The following MARCHF2 variants were observed in gnomAD, a reference collection of about 807,000 sequenced individuals.
The protein encoded by MARCHF2 is membrane associated ring-CH-type finger 2.
Under a neutral mutation model 24.0 loss-of-function variants are expected in MARCHF2, and 22 were observed. The observed-to-expected ratio is 0.92, with a 90% CI of 0.66 to 1.31. MARCHF2 has a LOEUF of 1.31. Ranked by LOEUF, MARCHF2 falls within the 50% of genes most tolerant of loss-of-function variation. MARCHF2 has a pLI of 0.00. For missense variants in MARCHF2, 301 were observed against 335.3 expected, an observed-to-expected ratio of 0.90 and a Z score of 0.80; for synonymous variants, 154 against 153.0, an observed-to-expected ratio of 1.01 and a Z score of -0.05.
chr19:8,419,916 T>C (rs1967186817), intron 1 of MARCHF2, among the ~76,000 whole-genome samples: 1 of 150,128 alleles, frequency 6.7e-6, no homozygotes, highest in South Asian at 2.1e-4. Context: ...CCTAGCACTT[T>C]GGGAGGCTGA....
At chr19:8,420,125 T>TC (rs1967193211) in intron 1 of MARCHF2, among the ~76,000 whole-genome samples, 2 of 149,608 alleles carry the variant, frequency 1.3e-5, no homozygotes, top group South Asian at 4.2e-4. Context: ...GCCACTGCAC[T>TC]CCAGCCTGGG....
chr19:8,419,848 T>TA (rs1303589674), intron 1 of MARCHF2, among the ~76,000 whole-genome samples: 2 of 114,676 alleles, frequency 1.7e-5, no homozygotes, highest in Non-Finnish European at 3.6e-5. Flanking sequence ...TAAATAAAAA[T>TA]AAAAAATAAA....
chr19:8,423,657 G>A (rs1212194307), intron 2 of MARCHF2: 1 of 151,942 alleles, frequency 6.6e-6, no homozygotes, highest in Admixed American at 6.6e-5. Flanking sequence ...TCTTTTTAAA[G>A]CCGCCCAACT....
chr19:8,425,625 T>C (rs1276514905), intron 2 of MARCHF2, among the ~76,000 whole-genome samples: 3 of 151,524 alleles, frequency 2.0e-5, no homozygotes, highest in Non-Finnish European at 4.4e-5. Flanking sequence ...GAGGATTTTT[T>C]TTTTTTTTTG....
chr19:8,426,520 G>A (rs1051909705), intron 2 of MARCHF2, 89 bp from the exon 3 acceptor site: 3 of 1,066,564 alleles, frequency 2.8e-6, no homozygotes, highest in Admixed American at 1.9e-5. Flanking sequence ...GCAGCATGGG[G>A]TAAGGGTGAG....
At chr19:8,417,198 C>T (rs775679765) in intron 1 of MARCHF2, among the ~76,000 whole-genome samples, 74 of 152,146 alleles carry the variant, frequency 4.9e-4, no homozygotes, top group Middle Eastern at 3.4e-3. Context: ...AATCCCAGCA[C>T]TTTGGGAGGC....
chr19:8,421,913 G>GT lies in MARCHF2; in HGVS notation c.74dup (p.Val26ArgfsTer35), dbSNP rs1967256162. On this transcript the variant is annotated frameshift_variant, in exon 2 of 5. Transcript: ENST00000215555. LOFTEE classifies it high-confidence loss of function. ...CTCCGGCAGCCCTGCCTTCTCCAAG[G>GT]TCGTGGAGGCTACGGGCCTCGGACC... The GT allele has an allele frequency of 7.4e-6, 12 of 1,613,936 alleles. No homozygotes were observed. The highest frequency in any genetic ancestry group is 1.0e-5 in the Non-Finnish European group (12 of 1,179,956).
rs187035809 is a variant in MARCHF2 at position 8,421,824 on chromosome 19, C to T, written c.-17C>T. Reference sequence around the variant, plus strand: ...CCATGGGCCTCAGGCCCTGAGGATACGGGGCTCCCGGTGGCCATGACGACG... The same window carrying T: ...CCATGGGCCTCAGGCCCTGAGGATATGGGGCTCCCGGTGGCCATGACGACG... On this transcript the variant is annotated 5_prime_UTR_variant, in exon 2 of 5. In the 5' UTR this introduces an upstream ATG that the reference lacks. Coordinates refer to ENST00000215555, the MANE Select transcript of MARCHF2 (RefSeq NM_001005415.2). 4.1e-4 allele frequency: 657 copies of T among 1,594,400 alleles called. 5 individuals carry two copies. Among genetic ancestry groups the T allele is most frequent in the Middle Eastern group, 1.8e-4 (1 of 5,452 alleles).
At chr19:8,429,058 G>A (rs112962179) in intron 3 of MARCHF2, among the ~76,000 whole-genome samples, 8,994 of 152,056 alleles carry the variant, frequency 0.059, 648 homozygotes, top group African/African-American at 0.17. Context: ...TTTGGTCTCC[G>A]TGCTACAGCC....
chr19:8,413,565 CCGTGT>C (rs1967006172), intron 1 of MARCHF2, 145 bp downstream of exon 1: 1 of 152,214 alleles, frequency 6.6e-6, no homozygotes, highest in Admixed American at 6.5e-5. Context: ...ACCTCAGTTC[CCGTGT>C]CAAGGCCGGT....
In MARCHF2 at chr19:8,426,670, T is replaced by C. The variant is rs1263675240; in HGVS notation, c.238T>C (p.Cys80Arg). 6.2e-7 allele frequency: 1 copy of C among 1,613,996 alleles called. No homozygotes were observed. The highest frequency in any genetic ancestry group is 8.5e-7 in the Non-Finnish European group (1 of 1,180,012). ...GAACGGGGAGTGCTTGCTGTCCCCG[T>C]GTGGCTGCACCGGCACGCTGGGTGC... is the stretch of plus-strand genomic sequence containing the variant. ...GANGECLLSP[C>R]GCTGTLGAVH... The change falls in exon 3 of 5, where the codon TGT (cysteine) becomes CGT (arginine). Residue 80 changes from cysteine to arginine, a missense_variant. Physicochemically the swap from Cys to Arg is radical, Grantham distance 180. Coordinates refer to ENST00000215555, the MANE Select transcript of MARCHF2 (RefSeq NM_001005415.2).
rs371887931 is a variant in MARCHF2, at chr19:8,429,889, C to T, written c.373-769C>T. Among the ~76,000 whole-genome samples the T allele has an allele frequency of 2.3e-4, 34 of 149,254 alleles. No individual in the cohort carries two copies. In the East Asian group the frequency reaches 3.8e-3, roughly 17 times the overall value. On this transcript the variant is annotated intron_variant, in intron 3 of 4. Transcript: ENST00000215555. ...AGCGTAGTAGATTAGTAGCCAAAGACGCTTCGGCCCTGGAGCAAGACTTCC... is the reference window on the plus strand; with the variant it reads ...AGCGTAGTAGATTAGTAGCCAAAGATGCTTCGGCCCTGGAGCAAGACTTCC...
rs868698036 is a variant in MARCHF2 at position 8,424,000 on chromosome 19, A to G, written c.176+1984A>G. Among the ~76,000 whole-genome samples, 10 of 151,452 alleles carry G rather than the reference A, an allele frequency of 6.6e-5. 1 individual carries two copies. The highest frequency in any genetic ancestry group is 2.0e-4 in the Admixed American group (3 of 15,178). ...CTGGGTGACTCAAAAAAAAAAAAAA[A>G]AAAGAAAGAAAAAAAAATACAGTCT... On this transcript the variant is annotated intron_variant, in intron 2 of 4. Transcript: ENST00000215555.
chr19:8,432,855 A>G (rs1967617713), intron 4 of MARCHF2, among the ~76,000 whole-genome samples: 1 of 151,486 alleles, frequency 6.6e-6, no homozygotes, highest in Admixed American at 6.6e-5. Flanking sequence ...GGGAGGCTGC[A>G]GCAGGAGGAT....
In MARCHF2 at chr19:8,438,680, GAC is replaced by G; in HGVS notation, c.*137_*138del. 1 of 844,112 alleles carries G rather than the reference GAC, an allele frequency of 1.2e-6. No individual in the cohort carries two copies. The highest frequency in any genetic ancestry group is 1.8e-6 in the Non-Finnish European group (1 of 557,002). 52.3% of individuals were successfully genotyped at this position (844,112 alleles called of 1,614,324 possible). On this transcript the variant is annotated 3_prime_UTR_variant, in exon 5 of 5. Coordinates refer to ENST00000215555, the MANE Select transcript of MARCHF2 (RefSeq NM_001005415.2). ...GGCCTGAACGCTTCTTAGGCCAAGA[GAC>G]ACCATGCAGAGCCTAGTCTGTGATC...
At chr19:8,419,485 C>T (rs1402308183) in intron 1 of MARCHF2, among the ~76,000 whole-genome samples, 1 of 150,628 alleles carries the variant, frequency 6.6e-6, no homozygotes, top group Non-Finnish European at 1.5e-5. Flanking sequence ...CAGAGCCGGA[C>T]TCCATCTCAA....
chr19:8,416,386 G>A (rs1157153242), intron 1 of MARCHF2, among the ~76,000 whole-genome samples: 2 of 151,330 alleles, frequency 1.3e-5, no homozygotes, highest in Non-Finnish European at 2.9e-5. Flanking sequence ...AACCAGAAAT[G>A]CAGCAGCTCT....
chr19:8,413,606 A>C (rs1568232950), intron 1 of MARCHF2, 186 bp downstream of exon 1: 2 of 152,172 alleles, frequency 1.3e-5, no homozygotes, highest in Non-Finnish European at 2.9e-5. Context: ...TCCGGCACAC[A>C]TAGGCGCCTC....
chr19:8,428,672 A>C (rs1346866882), intron 3 of MARCHF2, among the ~76,000 whole-genome samples: 3 of 147,964 alleles, frequency 2.0e-5, no homozygotes, highest in Non-Finnish European at 4.5e-5. Context: ...AAAAAAAAAA[A>C]AAAAAAAAAA....
Sources: allele counts gnomAD v4.1 joint callset (sites outside exome capture counted in the v4.1 genomes callset), GRCh38; gene constraint gnomAD v4.1.1; transcripts MANE v1.5; gene names NCBI Gene and HGNC (gene_info 2026-07-23, HGNC 2026-07-21).